The following LINGO2 variants were observed in gnomAD, a reference collection of about 807,000 sequenced individuals.
LINGO2 encodes the protein leucine rich repeat and Ig domain containing 2.
Under a neutral mutation model 30.6 loss-of-function variants are expected in LINGO2, and 14 were observed. The observed-to-expected ratio is 0.46, with a 90% CI of 0.30 to 0.72. The LOEUF (loss-of-function observed/expected upper bound fraction) is 0.72. Among genes scored for constraint, LINGO2 ranks in the 30% least tolerant of loss-of-function variants. LINGO2 has a pLI of 0.07. For missense variants in LINGO2, 729 were observed against 751.7 expected, an observed-to-expected ratio of 0.97 and a Z score of 0.35; for synonymous variants, 317 against 288.5, an observed-to-expected ratio of 1.10 and a Z score of -1.00.
At chr9:28,933,334 T>C in the LINGO2 span, among the ~76,000 whole-genome samples, 55 of 152,354 alleles carry the variant, frequency 3.6e-4, no homozygotes, top group African/African-American at 1.3e-3. Flanking sequence ...CAAAACTCTT[T>C]TGCAAACTCT....
intron 4 of LINGO2, among the ~76,000 whole-genome samples, chr9:28,277,839 A>AC (rs1349141915): frequency 7.7e-5 from 10 of 129,130 alleles, no homozygotes; most frequent in African/African-American, 2.8e-4. Flanking sequence ...AAACAAAACA[A>AC]AAAAAAAAAA....
intron 3 of LINGO2, among the ~76,000 whole-genome samples, chr9:28,308,730 T>C (rs1414648937): frequency 2.7e-5 from 4 of 150,638 alleles, no homozygotes; most frequent in Non-Finnish European, 4.4e-5. Flanking sequence ...CAAACAAATT[T>C]ACAAGAAAAA....
intron 4 of LINGO2, among the ~76,000 whole-genome samples, chr9:28,154,072 C>G (rs1828068514): frequency 6.6e-6 from 1 of 152,094 alleles, no homozygotes; most frequent in Non-Finnish European, 1.5e-5. Context: ...CTTTAATACT[C>G]CATTCATTTG....
intron 2 of LINGO2, among the ~76,000 whole-genome samples, chr9:28,431,029 TGAGAGAGAGAGAGAGAGAGAGA>T (rs57751993): frequency 0.34 from 43,874 of 129,460 alleles, 7,590 homozygotes; most frequent in Middle Eastern, 0.45. Flanking sequence ...GCATGAGTGA[TGAGAGAGAGAGAGAGAGAGAGA>T]GAGAGAGAGA....
chr9:28,366,129 C>T (rs1358608453), intron 3 of LINGO2, among the ~76,000 whole-genome samples: 2 of 152,240 alleles, frequency 1.3e-5, no homozygotes, highest in African/African-American at 2.4e-5. Context: ...GTTCCTTTTT[C>T]GTCTAACCTC....
At chr9:28,265,891 C>T (rs1452069191) in intron 4 of LINGO2, among the ~76,000 whole-genome samples, 2 of 151,902 alleles carry the variant, frequency 1.3e-5, no homozygotes, top group Non-Finnish European at 2.9e-5. Flanking sequence ...TTTAAAGGCT[C>T]ATAAACATAA....
chr9:29,095,387 A>G, the LINGO2 span, among the ~76,000 whole-genome samples: 1 of 137,976 alleles, frequency 7.2e-6, no homozygotes, highest in African/African-American at 2.7e-5. Context: ...ATTCTGCCTA[A>G]AAGCTGACAG....
chr9:28,237,117 C>CAG (rs370310857), intron 4 of LINGO2, among the ~76,000 whole-genome samples: 2 of 112,848 alleles, frequency 1.8e-5, no homozygotes, highest in Non-Finnish European at 3.6e-5. Context: ...TTAAACAGTG[C>CAG]GGGGGGGGGG....
chr9:29,189,141 G>A, the LINGO2 span, among the ~76,000 whole-genome samples: 1 of 139,226 alleles, frequency 7.2e-6, no homozygotes, highest in African/African-American at 2.6e-5. Flanking sequence ...GGCCGGGCGG[G>A]GGGCTGACCC....
At chr9:28,888,847 C>G in the LINGO2 span, 1 of 532,376 alleles carries the variant, frequency 1.9e-6, no homozygotes, top group Non-Finnish European at 3.9e-6. Context: ...AAATGTTGTC[C>G]ATTGCAAAGC....
chr9:29,005,079 A>C, the LINGO2 span, among the ~76,000 whole-genome samples: 1 of 152,170 alleles, frequency 6.6e-6, no homozygotes, highest in African/African-American at 2.4e-5. Flanking sequence ...GTTTGCTCAT[A>C]TGTATCATAG....
At chr9:29,179,749 T>C in the LINGO2 span, among the ~76,000 whole-genome samples, 4 of 152,174 alleles carry the variant, frequency 2.6e-5, no homozygotes, top group Non-Finnish European at 5.9e-5. Flanking sequence ...ATTAATTCCC[T>C]AATATATATC....
At chr9:29,027,700 C>T in the LINGO2 span, among the ~76,000 whole-genome samples, 1 of 152,056 alleles carries the variant, frequency 6.6e-6, no homozygotes, top group African/African-American at 2.4e-5. Context: ...ATTGATTGTT[C>T]CAAGGTTTCC....
the LINGO2 span, among the ~76,000 whole-genome samples, chr9:28,733,080 C>A: frequency 6.6e-6 from 1 of 152,102 alleles, no homozygotes; most frequent in South Asian, 2.1e-4. Context: ...TAATAGTATA[C>A]TTAAGAGTAT....
Position 28,403,767 on chromosome 9 carries a change from G to A in LINGO2, c.-278-30899C>T, listed in dbSNP as rs78620534. Among the ~76,000 whole-genome samples, 19 of 151,258 alleles carry A rather than the reference G, an allele frequency of 1.3e-4. No individual in the cohort carries two copies. The East Asian group carries it at 3.3e-3, about 26-fold the overall frequency. Reference sequence around the variant, plus strand: ...GCAGAGTTTACATAATAGTAATTTGGTTCCTGCCTATAAAATTGTGAGCCT... The same window carrying A: ...GCAGAGTTTACATAATAGTAATTTGATTCCTGCCTATAAAATTGTGAGCCT... On this transcript the variant is annotated intron_variant, in intron 2 of 5. Transcript: ENST00000379992.
At chr9:28,389,515 A>G (rs1821739932) in intron 2 of LINGO2, among the ~76,000 whole-genome samples, 2 of 152,160 alleles carry the variant, frequency 1.3e-5, no homozygotes, top group East Asian at 1.9e-4. Flanking sequence ...AATGTTGACA[A>G]CCATGCACAG....
At chr9:29,087,717 C>A in the LINGO2 span, among the ~76,000 whole-genome samples, 1 of 151,778 alleles carries the variant, frequency 6.6e-6, no homozygotes, top group Non-Finnish European at 1.5e-5. Flanking sequence ...ATATAATGCC[C>A]AATATAGGAT....
intron 1 of LINGO2, among the ~76,000 whole-genome samples, chr9:28,563,762 G>A (rs779072738): frequency 2.4e-4 from 36 of 152,218 alleles, no homozygotes; most frequent in South Asian, 4.1e-4. Context: ...TGCTCAATCA[G>A]ACATTTTGGC....
At chr9:29,092,451 C>A in the LINGO2 span, among the ~76,000 whole-genome samples, 1 of 152,026 alleles carries the variant, frequency 6.6e-6, no homozygotes, top group East Asian at 1.9e-4. Context: ...ATAGGGAAAA[C>A]CAAGTACAAA....
Sources: allele counts gnomAD v4.1 joint callset (sites outside exome capture counted in the v4.1 genomes callset), GRCh38; gene constraint gnomAD v4.1.1; transcripts MANE v1.5; gene names NCBI Gene and HGNC (gene_info 2026-07-23, HGNC 2026-07-21).